The following ATP10B variants were observed in gnomAD, a reference collection of about 807,000 sequenced individuals.
ATP10B encodes phospholipid-transporting ATPase VB.
A neutral mutation model predicts 141.2 loss-of-function variants in ATP10B; 122 were observed. The observed-to-expected ratio is 0.86, with a 90% CI of 0.75 to 1.00. The LOEUF (loss-of-function observed/expected upper bound fraction) is 1.00, where lower values mean the gene tolerates loss of function less well. ATP10B is among the 50% of genes least tolerant of loss of function. The pLI is 0.00. For missense variants in ATP10B, 1,876 were observed against 1,825.3 expected (o/e 1.03, Z -0.51); for synonymous variants, 685 against 692.0 (o/e 0.99, Z 0.16).
chr5:160,648,546 G>A (rs1053584534), intron 8 of ATP10B, among the ~76,000 whole-genome samples: 5 of 152,128 alleles, frequency 3.3e-5, no homozygotes, highest in African/African-American at 1.2e-4. Context: ...AAATGCTTAG[G>A]CTGAACCAAA....
At chr5:160,862,541 T>TAC in the ATP10B span, among the ~76,000 whole-genome samples, 1 of 151,960 alleles carries the variant, frequency 6.6e-6, no homozygotes, top group Non-Finnish European at 1.5e-5. Context: ...CCTCAGCCCT[T>TAC]ACTTTGAGAA....
intron 2 of ATP10B, among the ~76,000 whole-genome samples, chr5:160,768,707 T>G (rs1769664882): frequency 6.6e-6 from 1 of 152,178 alleles, no homozygotes; most frequent in Non-Finnish European, 1.5e-5. Context: ...AATATATTGA[T>G]AGGTGGATTT....
the ATP10B span, among the ~76,000 whole-genome samples, chr5:160,881,769 C>T: frequency 6.6e-6 from 1 of 151,980 alleles, no homozygotes; most frequent in Non-Finnish European, 1.5e-5. Context: ...GGAGATGGCG[C>T]CACTGCACTC....
At chr5:160,894,699 A>G in the ATP10B span, among the ~76,000 whole-genome samples, 2 of 152,188 alleles carry the variant, frequency 1.3e-5, no homozygotes, top group African/African-American at 4.8e-5. Context: ...GGAAATACTG[A>G]GAACACCACA....
rs199760990 is a variant in ATP10B, at chr5:160,795,836, GC to G, written c.-575-10034del. On this transcript the variant is annotated intron_variant, in intron 1 of 25. Transcript: ENST00000327245. ...GTCAAATAATGGATTCTCCCCTACAGCCCCCAGAGGAAGCATGGCTCTGTGA... is the reference window on the plus strand; with the variant it reads ...GTCAAATAATGGATTCTCCCCTACAGCCCCAGAGGAAGCATGGCTCTGTGA... 7.4e-3 allele frequency among the ~76,000 whole-genome samples: 1,133 copies of G among 152,194 alleles called. 17 individuals carry two copies. The highest frequency in any genetic ancestry group is 0.026 in the African/African-American group (1,087 of 41,530).
chr5:160,615,841 G>C lies in ATP10B; in HGVS notation c.2650C>G (p.Leu884Val). 1 of 1,610,118 alleles carries C rather than the reference G, an allele frequency of 6.2e-7. No homozygotes were observed. The highest frequency in any genetic ancestry group is 8.5e-7 in the Non-Finnish European group (1 of 1,176,842). Reference sequence around the variant, plus strand: ...ATAATGACTTATTTTTAGCTACCAAGTAAGGTGAGTTGATTCTCCAGATGC... The same window carrying C: ...ATAATGACTTATTTTTAGCTACCAACTAAGGTGAGTTGATTCTCCAGATGC... ...AQHLENQLTL[L>V]GATGIEDRLQ... Residue 884 changes from leucine to valine, a missense_variant, in exon 17 of 26, where the codon CTT becomes GTT. Physicochemically the swap from Leu to Val is conservative, Grantham distance 32 (BLOSUM62 1). Transcript: ENST00000327245.
chr5:160,686,826 C>A (rs1043570647), intron 5 of ATP10B: 48 of 445,678 alleles, frequency 1.1e-4, no homozygotes, highest in Non-Finnish European at 9.8e-5. Flanking sequence ...GCAGAGGGCT[C>A]TGGAGCATAG....
chr5:160,789,670 T>G (rs1482626769), intron 1 of ATP10B, among the ~76,000 whole-genome samples: 2 of 152,148 alleles, frequency 1.3e-5, no homozygotes, highest in Admixed American at 6.6e-5. Context: ...AATTTCACAA[T>G]GCCAAGCGTA....
the ATP10B span, among the ~76,000 whole-genome samples, chr5:160,909,606 G>T: frequency 6.6e-6 from 1 of 152,192 alleles, no homozygotes; most frequent in Non-Finnish European, 1.5e-5. Flanking sequence ...AGACAGCTGA[G>T]GAGCTGATGT....
At chr5:160,687,506 G>C (rs993240925) in intron 5 of ATP10B, among the ~76,000 whole-genome samples, 1 of 152,190 alleles carries the variant, frequency 6.6e-6, no homozygotes, top group African/African-American at 2.4e-5. Flanking sequence ...GCTCACTCCT[G>C]TAATCCCATC....
the ATP10B span, among the ~76,000 whole-genome samples, chr5:160,886,960 T>C: frequency 6.6e-6 from 1 of 152,228 alleles, no homozygotes; most frequent in Non-Finnish European, 1.5e-5. Context: ...AGGAAATGTA[T>C]TCCTGGGTAA....
chr5:160,818,802 T>C (rs1212718889), intron 1 of ATP10B, among the ~76,000 whole-genome samples: 2 of 152,206 alleles, frequency 1.3e-5, no homozygotes, highest in African/African-American at 2.4e-5. Context: ...ATGTACACCA[T>C]GGAATACTAT....
chr5:160,701,802 C>T (rs1764699723), intron 3 of ATP10B, among the ~76,000 whole-genome samples: 1 of 151,808 alleles, frequency 6.6e-6, no homozygotes, highest in African/African-American at 2.4e-5. Flanking sequence ...AGTCACCCCT[C>T]TACCCCAGTG....
intron 7 of ATP10B, among the ~76,000 whole-genome samples, chr5:160,666,904 T>TG (rs1762352074): frequency 6.6e-6 from 1 of 152,114 alleles, no homozygotes; most frequent in African/African-American, 2.4e-5. Context: ...GCCAGGGAGA[T>TG]GAAGTACTGA....
At chr5:160,879,414 A>T in the ATP10B span, among the ~76,000 whole-genome samples, 1 of 125,010 alleles carries the variant, frequency 8.0e-6, no homozygotes, top group South Asian at 3.1e-4. Context: ...GAGGGATAGC[A>T]TTGGGAGATA....
intron 2 of ATP10B, among the ~76,000 whole-genome samples, chr5:160,773,449 G>A (rs1374531035): frequency 2.0e-5 from 3 of 152,174 alleles, no homozygotes; most frequent in African/African-American, 7.2e-5. Flanking sequence ...CTGTCTTGGC[G>A]AGGTGGTTTC....
chr5:160,860,104 G>A, the ATP10B span, among the ~76,000 whole-genome samples: 5 of 151,820 alleles, frequency 3.3e-5, no homozygotes, highest in African/African-American at 1.2e-4. Flanking sequence ...GCAATAGTAT[G>A]TTTTCCAACG....
the ATP10B span, among the ~76,000 whole-genome samples, chr5:160,860,580 A>G: frequency 3.3e-5 from 5 of 152,014 alleles, no homozygotes; most frequent in Non-Finnish European, 5.9e-5. Context: ...GAAACTTTAT[A>G]CTAAACAATG....
At chr5:160,609,839 A>T (rs1445654305) in intron 18 of ATP10B, among the ~76,000 whole-genome samples, 1 of 152,254 alleles carries the variant, frequency 6.6e-6, no homozygotes, top group Non-Finnish European at 1.5e-5. Context: ...AGAGGCACTT[A>T]TCTGGAAAGA....
Sources: gnomAD v4.1 joint callset for allele counts (sites outside exome capture counted in the v4.1 genomes callset) on GRCh38, gnomAD v4.1.1 for gene constraint, MANE v1.5 for transcripts, NCBI Gene and HGNC (gene_info 2026-07-23, HGNC 2026-07-21) for gene names.